Variants in RELN observed in about 807,000 individuals in gnomAD.
RELN encodes the protein reelin.
In RELN, 108 loss-of-function variants were observed where a neutral mutation model predicts 427.6. That is an observed-to-expected ratio of 0.25 (90% CI 0.22 to 0.30). RELN has a LOEUF of 0.30. RELN is among the 10% of genes least tolerant of loss of function. The probability of loss-of-function intolerance (pLI) is 1.00; values close to 1 mark genes in which losing one functional copy is unlikely to be tolerated. For synonymous variants in RELN, 1,524 were observed against 1,513.4 expected (o/e 1.01, Z -0.16); for missense variants, 3,715 against 4,302.8 (o/e 0.86, Z 3.82).
chr7:103,597,740 T>C (rs979526028), intron 24 of RELN, among the ~76,000 whole-genome samples: 6 of 152,202 alleles, frequency 3.9e-5, no homozygotes, highest in Non-Finnish European at 8.8e-5. Context: ...GTCTTAAAAG[T>C]GTTACAAATT....
Position 103,575,527 on chromosome 7 carries a change from G to A in RELN, c.4303+21C>T, listed in dbSNP as rs573312734. 1.3e-5 allele frequency: 21 copies of A among 1,611,952 alleles called. No individual in the cohort carries two copies. In the African/African-American group the frequency reaches 2.0e-4, roughly 15 times the overall value. ...TGACTATTTTACAATAAAACCCTCA[G>A]ACACATGTATTTAGCCTTACCAGTA... On this transcript the variant is annotated intron_variant, in intron 29 of 64. Coordinates refer to ENST00000428762, the MANE Select transcript of RELN (RefSeq NM_005045.4).
intron 8 of RELN, among the ~76,000 whole-genome samples, chr7:103,706,171 G>A (rs961989451): frequency 6.6e-5 from 10 of 151,510 alleles, no homozygotes; most frequent in African/African-American, 2.4e-4. Flanking sequence ...CTATTTGTTA[G>A]CATCATTGGT....
At chr7:103,579,722 G>T (rs989212748) in intron 28 of RELN, among the ~76,000 whole-genome samples, 17 of 151,212 alleles carry the variant, frequency 1.1e-4, no homozygotes, top group African/African-American at 3.9e-4. Flanking sequence ...CTTTCCCTTT[G>T]TTTCCTTTCC....
intron 6 of RELN, among the ~76,000 whole-genome samples, chr7:103,733,638 T>C (rs948856574): frequency 1.4e-5 from 2 of 139,452 alleles, no homozygotes; most frequent in African/African-American, 2.7e-5. Context: ...ATGTCCTTTG[T>C]AGGGACATGG....
At chr7:103,957,650 T>TCC (rs998401269) in intron 1 of RELN, among the ~76,000 whole-genome samples, 1 of 152,092 alleles carries the variant, frequency 6.6e-6, no homozygotes, top group Non-Finnish European at 1.5e-5. Flanking sequence ...TGCCTGCTCA[T>TCC]CCCCCCTTGT....
At chr7:103,622,509 C>T (rs1322298170) in intron 20 of RELN, among the ~76,000 whole-genome samples, 7 of 152,140 alleles carry the variant, frequency 4.6e-5, no homozygotes, top group African/African-American at 1.7e-4. Context: ...TCCCCTGCTC[C>T]AAATTATTTG....
intron 28 of RELN, among the ~76,000 whole-genome samples, chr7:103,587,807 C>A (rs1425504982): frequency 6.6e-6 from 1 of 151,998 alleles, no homozygotes; most frequent in East Asian, 1.9e-4. Flanking sequence ...CAGAGAAATG[C>A]AAATCAAAAC....
chr7:103,850,079 T>A (rs534112195), intron 2 of RELN, among the ~76,000 whole-genome samples: 1 of 152,238 alleles, frequency 6.6e-6, no homozygotes, highest in African/African-American at 2.4e-5. Flanking sequence ...TTACAGAGGG[T>A]TTTATCTTCC....
chr7:103,574,737 T>C (rs1830960192), intron 29 of RELN, among the ~76,000 whole-genome samples: 1 of 152,202 alleles, frequency 6.6e-6, no homozygotes, highest in South Asian at 2.1e-4. Context: ...CAACATATGT[T>C]TGTCTTTGGT....
chr7:103,593,941 G>C (rs947886275), intron 26 of RELN, 59 bp from the exon 27 acceptor site: 1 of 1,331,274 alleles, frequency 7.5e-7, no homozygotes, highest in Non-Finnish European at 1.1e-6. Flanking sequence ...AAACAAGAAA[G>C]GAATTTTCAT....
At chr7:103,933,676 A>G (rs1256712798) in intron 1 of RELN, among the ~76,000 whole-genome samples, 1 of 151,994 alleles carries the variant, frequency 6.6e-6, no homozygotes, top group African/African-American at 2.4e-5. Flanking sequence ...TTTGCAACAG[A>G]AGAGGATGTA....
intron 1 of RELN, among the ~76,000 whole-genome samples, chr7:103,963,057 G>A (rs1337976989): frequency 2.0e-5 from 3 of 151,708 alleles, no homozygotes; most frequent in Non-Finnish European, 2.9e-5. Context: ...CCAGTGATGG[G>A]AACAATAAGA....
chr7:103,519,215 C>G, intron 49 of RELN, 108 bp downstream of exon 49: 1 of 837,616 alleles, frequency 1.2e-6, no homozygotes, highest in East Asian at 2.5e-5. Context: ...TCAGAGGCAT[C>G]CTCTAGTGAG....
intron 2 of RELN, among the ~76,000 whole-genome samples, chr7:103,865,677 A>ATTTTT (rs1251600900): frequency 2.0e-5 from 3 of 152,190 alleles, no homozygotes; most frequent in Non-Finnish European, 4.4e-5. Flanking sequence ...AGATGCAGAA[A>ATTTTT]AAGCATGACA....
At chr7:103,513,164 G>A (rs1174391224) in intron 50 of RELN, 1 of 152,112 alleles carries the variant, frequency 6.6e-6, no homozygotes, top group Non-Finnish European at 1.5e-5. Context: ...TTTTATGCTA[G>A]AACTCTGCAA....
At chr7:103,541,116 T>G (rs1295372051) in intron 43 of RELN, among the ~76,000 whole-genome samples, 6 of 152,270 alleles carry the variant, frequency 3.9e-5, no homozygotes, top group Admixed American at 3.3e-4. Context: ...AGGCTCTGAC[T>G]GTTGCTGGGT....
chr7:103,521,776 T>C (rs1211169687), intron 48 of RELN, among the ~76,000 whole-genome samples: 1 of 152,248 alleles, frequency 6.6e-6, no homozygotes. Context: ...ATTTTCTGAT[T>C]CCTTAGTATA....
At chr7:103,524,206 T>C (rs10248053) in intron 46 of RELN, among the ~76,000 whole-genome samples, 49,260 of 152,004 alleles carry the variant, frequency 0.32, 10,895 homozygotes, top group African/African-American at 0.6. Context: ...TGCTAACTTG[T>C]AAGTGCAAAA....
At chr7:103,712,520 C>T (rs1040068406) in intron 8 of RELN, among the ~76,000 whole-genome samples, 1 of 152,164 alleles carries the variant, frequency 6.6e-6, no homozygotes, top group Non-Finnish European at 1.5e-5. Flanking sequence ...TTATAGATTT[C>T]CAAAAGGTAA....
Sources: gnomAD v4.1 joint callset for allele counts (sites outside exome capture counted in the v4.1 genomes callset) on GRCh38, gnomAD v4.1.1 for gene constraint, MANE v1.5 for transcripts, NCBI Gene and HGNC (gene_info 2026-07-23, HGNC 2026-07-21) for gene names.